Variants in SPAG16 observed in about 807,000 individuals in gnomAD.
SPAG16 encodes sperm associated antigen 16.
A neutral mutation model predicts 80.4 loss-of-function variants in SPAG16; 86 were observed. The observed-to-expected ratio is 1.07, with a 90% CI of 0.90 to 1.28. The LOEUF is 1.28. Ranked by LOEUF, SPAG16 falls within the 50% of genes most tolerant of loss-of-function variation. SPAG16 has a pLI of 0.00. For missense variants in SPAG16, 870 were observed against 765.3 expected (o/e 1.14, Z -1.61); for synonymous variants, 294 against 265.9 (o/e 1.11, Z -1.03).
At chr2:214,221,724 T>C (rs2058575539) in intron 15 of SPAG16, among the ~76,000 whole-genome samples, 1 of 152,204 alleles carries the variant, frequency 6.6e-6, no homozygotes, top group Non-Finnish European at 1.5e-5. Context: ...TTTAAAACTC[T>C]ATGCATCAGA....
At chr2:213,995,433 A>G (rs143466718) in intron 12 of SPAG16, among the ~76,000 whole-genome samples, 118 of 152,312 alleles carry the variant, frequency 7.7e-4, no homozygotes, top group African/African-American at 2.8e-3. Flanking sequence ...TGAATAGCAT[A>G]TATGGAATTA....
At chr2:213,786,065 T>C (rs999727230) in intron 10 of SPAG16, among the ~76,000 whole-genome samples, 1 of 152,206 alleles carries the variant, frequency 6.6e-6, no homozygotes, top group Admixed American at 6.5e-5. Context: ...TTTAGTTTTC[T>C]TTATTTCTAT....
intron 9 of SPAG16, among the ~76,000 whole-genome samples, chr2:213,430,629 G>C (rs936978553): frequency 3.9e-5 from 6 of 152,046 alleles, no homozygotes; most frequent in Admixed American, 3.3e-4. Flanking sequence ...CAAGAGAGAA[G>C]AAAAAGCAAA....
chr2:213,934,475 C>T (rs2078904063), intron 12 of SPAG16, among the ~76,000 whole-genome samples: 1 of 152,168 alleles, frequency 6.6e-6, no homozygotes, highest in African/African-American at 2.4e-5. Flanking sequence ...GGGGATGTTT[C>T]TTTTTTTGGT....
At chr2:214,100,837 G>C (rs1008516485) in intron 13 of SPAG16, among the ~76,000 whole-genome samples, 6 of 151,996 alleles carry the variant, frequency 3.9e-5, no homozygotes, top group Admixed American at 3.9e-4. Flanking sequence ...ATTATTAATA[G>C]TGCTGCAGTG....
chr2:213,397,078 T>G (rs939823841), intron 9 of SPAG16, among the ~76,000 whole-genome samples: 3 of 152,242 alleles, frequency 2.0e-5, no homozygotes, highest in African/African-American at 7.2e-5. Context: ...CTGCATCCAT[T>G]GAGGTTCTGG....
chr2:213,380,889 T>C (rs2067138890), intron 9 of SPAG16, among the ~76,000 whole-genome samples: 1 of 152,132 alleles, frequency 6.6e-6, no homozygotes. Context: ...GCCCTTCGGG[T>C]CACTCGATAA....
At chr2:214,145,831 T>C (rs948242456) in intron 14 of SPAG16, among the ~76,000 whole-genome samples, 7 of 152,234 alleles carry the variant, frequency 4.6e-5, no homozygotes, top group African/African-American at 1.4e-4. Flanking sequence ...CGTTGATTAC[T>C]CTTCATTCCC....
intron 10 of SPAG16, among the ~76,000 whole-genome samples, chr2:213,860,459 A>ATATAT: frequency 8.5e-6 from 1 of 117,716 alleles, no homozygotes; most frequent in East Asian, 2.6e-4. Context: ...GTATATATAT[A>ATATAT]CAGATATATC....
chr2:213,834,124 C>T (rs532757620), intron 10 of SPAG16, among the ~76,000 whole-genome samples: 1 of 152,200 alleles, frequency 6.6e-6, no homozygotes, highest in Non-Finnish European at 1.5e-5. Flanking sequence ...TTGCCACTGC[C>T]ACGTAGAAAG....
intron 10 of SPAG16, among the ~76,000 whole-genome samples, chr2:213,565,747 T>A (rs114395789): frequency 6.6e-6 from 1 of 152,202 alleles, no homozygotes; most frequent in South Asian, 2.1e-4. Flanking sequence ...CAACTAGTAA[T>A]AGCCCAGGCC....
At chr2:214,221,645 C>T (rs2058572326) in intron 15 of SPAG16, among the ~76,000 whole-genome samples, 1 of 152,014 alleles carries the variant, frequency 6.6e-6, no homozygotes, top group African/African-American at 2.4e-5. Flanking sequence ...TTGACCCCCA[C>T]CTGATCTCTC....
chr2:213,648,452 T>C (rs1296868824), intron 10 of SPAG16, among the ~76,000 whole-genome samples: 1 of 152,242 alleles, frequency 6.6e-6, no homozygotes, highest in African/African-American at 2.4e-5. Flanking sequence ...TTGATTAAGC[T>C]ATAGACCACC....
At position 213,738,897 on chromosome 2, in the gene SPAG16, A is replaced by G. The variant is rs531663408; in HGVS notation, c.1071-123588A>G. Among the ~76,000 whole-genome samples, 106 of 152,296 alleles carry G rather than the reference A, an allele frequency of 7.0e-4. 1 individual carries two copies. The highest frequency in any genetic ancestry group is 2.3e-3 in the African/African-American group (96 of 41,560). The stretch of plus-strand genomic sequence containing the variant: ...TTTCATTGCCAGTATGACATTCTCA[A>G]GCTCATTTTCTTCTGCCACAGGTAG... On this transcript the variant is annotated intron_variant, in intron 10 of 15. Coordinates refer to ENST00000331683, the MANE Select transcript of SPAG16 (RefSeq NM_024532.5).
At chr2:213,303,536 C>A (rs1473496565) in intron 3 of SPAG16, among the ~76,000 whole-genome samples, 1 of 151,928 alleles carries the variant, frequency 6.6e-6, no homozygotes, top group East Asian at 1.9e-4. Context: ...CCCCTCTCCC[C>A]TCCCCAGCCT....
At chr2:213,865,379 C>T (rs2075643634) in intron 11 of SPAG16, among the ~76,000 whole-genome samples, 1 of 151,524 alleles carries the variant, frequency 6.6e-6, no homozygotes. Flanking sequence ...AATACTGAGT[C>T]AAAGAGGAAC....
chr2:214,062,487 A>G (rs1371037233), intron 13 of SPAG16, among the ~76,000 whole-genome samples: 1 of 150,708 alleles, frequency 6.6e-6, no homozygotes, highest in Non-Finnish European at 1.5e-5. Flanking sequence ...ACATTACCAC[A>G]TCCCCAAACA....
chr2:213,972,896 A>G (rs941218682), intron 12 of SPAG16, among the ~76,000 whole-genome samples: 12 of 151,952 alleles, frequency 7.9e-5, no homozygotes, highest in African/African-American at 2.9e-4. Context: ...TTCTGATGGC[A>G]TCTATTTTGA....
intron 10 of SPAG16, among the ~76,000 whole-genome samples, chr2:213,638,131 A>G (rs545176233): frequency 4.9e-4 from 74 of 152,194 alleles, no homozygotes; most frequent in African/African-American, 1.7e-3. Context: ...TGGATCGTCT[A>G]TCTTCCTTTC....
Sources: gnomAD v4.1 joint callset for allele counts (sites outside exome capture counted in the v4.1 genomes callset) on GRCh38, gnomAD v4.1.1 for gene constraint, MANE v1.5 for transcripts, NCBI Gene and HGNC (gene_info 2026-07-23, HGNC 2026-07-21) for gene names.